FGF13: variants seen among roughly 807,000 people sequenced by gnomAD.
The protein encoded by FGF13 is fibroblast growth factor homologous factor 2.
A neutral mutation model predicts 19.5 loss-of-function variants in FGF13; 2 were observed. The observed-to-expected ratio is 0.10, with a 90% CI of 0.04 to 0.32. The LOEUF (loss-of-function observed/expected upper bound fraction) is 0.32. Among genes scored for constraint, FGF13 ranks in the 10% least tolerant of loss-of-function variants. FGF13 has a pLI of 1.00. For synonymous variants in FGF13, 72 were observed against 76.9 expected, an observed-to-expected ratio of 0.94 and a Z score of 0.33; for missense variants, 113 against 192.7, an observed-to-expected ratio of 0.59 and a Z score of 2.45.
chrX:138,646,860 C>G (rs961158474), intron 3 of FGF13, among the ~76,000 whole-genome samples: 10 of 111,423 alleles, frequency 9.0e-5, no homozygotes, highest in Non-Finnish European at 1.7e-4. Context: ...CAGAGCGAAA[C>G]ACAGAAATAC....
chrX:138,720,451 CAG>C (rs957491147), intron 1 of FGF13, among the ~76,000 whole-genome samples: 2 of 111,277 alleles, frequency 1.8e-5, no homozygotes, highest in African/African-American at 6.5e-5. Context: ...GTGGTGGAGT[CAG>C]AATTTAAATT....
At chrX:138,700,318 C>T (rs774476327) in intron 3 of FGF13, among the ~76,000 whole-genome samples, 1 of 111,667 alleles carries the variant, frequency 9.0e-6, no homozygotes, top group South Asian at 3.8e-4. Flanking sequence ...CCTGTTCTGT[C>T]TTCTCTTTGC....
chrX:138,685,217 C>T (rs866027972), intron 3 of FGF13, among the ~76,000 whole-genome samples: 1 of 111,054 alleles, frequency 9.0e-6, no homozygotes, highest in Non-Finnish European at 1.9e-5. Flanking sequence ...GCAAGAGAAA[C>T]TTTCTAAGAC....
intron 3 of FGF13, among the ~76,000 whole-genome samples, chrX:138,830,762 T>TA (rs1433329343): frequency 5.7e-5 from 6 of 104,441 alleles, no homozygotes; most frequent in Non-Finnish European, 9.8e-5. Flanking sequence ...GGAGAAAAGG[T>TA]GTGTTTAGGA....
intron 1 of FGF13, among the ~76,000 whole-genome samples, chrX:139,160,510 T>C (rs1175585871): frequency 3.6e-5 from 4 of 110,397 alleles, no homozygotes; most frequent in Non-Finnish European, 7.6e-5. Context: ...CTGAAGGAGA[T>C]AGAGACATGA....
intron 3 of FGF13, among the ~76,000 whole-genome samples, chrX:138,810,076 A>C (rs2090908826): frequency 8.9e-6 from 1 of 112,044 alleles, no homozygotes; most frequent in Non-Finnish European, 1.9e-5. Context: ...CTTTCTTCAC[A>C]GAATTAGAAA....
intron 1 of FGF13, among the ~76,000 whole-genome samples, chrX:139,079,467 T>C (rs1421926980): frequency 2.7e-5 from 3 of 111,240 alleles, no homozygotes; most frequent in African/African-American, 9.8e-5. Context: ...CTTCAGAATA[T>C]ATATTATGAG....
intron 3 of FGF13, among the ~76,000 whole-genome samples, chrX:138,699,569 C>A (rs1187357648): frequency 1.8e-5 from 2 of 111,360 alleles, no homozygotes; most frequent in African/African-American, 3.3e-5. Flanking sequence ...CAATATTCCA[C>A]CAAAACTGTT....
At chrX:138,837,083 C>A (rs771510539) in intron 3 of FGF13, among the ~76,000 whole-genome samples, 7 of 112,124 alleles carry the variant, frequency 6.2e-5, no homozygotes, top group Admixed American at 1.9e-4. Context: ...CTGTTGCCAG[C>A]CTAAACACAT....
intron 3 of FGF13, among the ~76,000 whole-genome samples, chrX:138,833,746 G>C (rs1375238131): frequency 9.0e-6 from 1 of 111,707 alleles, no homozygotes; most frequent in Non-Finnish European, 1.9e-5. Context: ...GGTTATCAAG[G>C]GGAGTGTTTT....
At chrX:139,194,995 G>A (rs1374622365) in intron 1 of FGF13, among the ~76,000 whole-genome samples, 1 of 111,907 alleles carries the variant, frequency 8.9e-6, no homozygotes, top group Non-Finnish European at 1.9e-5. Flanking sequence ...TGTCATGCCC[G>A]GAGCCGGCGC....
At chrX:138,851,487 C>T (rs748384593) in intron 3 of FGF13, among the ~76,000 whole-genome samples, 4 of 111,411 alleles carry the variant, frequency 3.6e-5, no homozygotes, top group African/African-American at 1.3e-4. Flanking sequence ...TCTCTAATGA[C>T]GCAGCAAAGG....
intron 1 of FGF13, among the ~76,000 whole-genome samples, chrX:139,062,155 A>G (rs1386253945): frequency 9.0e-6 from 1 of 110,981 alleles, no homozygotes; most frequent in Non-Finnish European, 1.9e-5. Flanking sequence ...AATGTCACGG[A>G]GCTTTCCCCC....
At chrX:139,002,010 TA>T (rs1487726003) in intron 1 of FGF13, among the ~76,000 whole-genome samples, 16 of 110,948 alleles carry the variant, frequency 1.4e-4, no homozygotes, top group East Asian at 8.5e-4. Context: ...TATGCAGCCA[TA>T]AAAAAAGGAT....
At chrX:138,916,738 G>A (rs754525247) in intron 1 of FGF13, among the ~76,000 whole-genome samples, 2 of 112,229 alleles carry the variant, frequency 1.8e-5, no homozygotes, top group South Asian at 3.7e-4. Flanking sequence ...AGACCAATAT[G>A]AGCAGAAGCA....
At chrX:139,160,530 TA>T (rs1009235718) in intron 1 of FGF13, among the ~76,000 whole-genome samples, 1 of 111,219 alleles carries the variant, frequency 9.0e-6, no homozygotes, top group Non-Finnish European at 1.9e-5. Flanking sequence ...AAAAGACCGT[TA>T]AAAAAATCAA....
intron 1 of FGF13, among the ~76,000 whole-genome samples, chrX:138,913,811 G>A (rs965113337): frequency 9.1e-6 from 1 of 110,187 alleles, no homozygotes; most frequent in African/African-American, 3.3e-5. Context: ...AGAATTTTTT[G>A]TTTTGGGTTT....
chrX:139,183,738 C>T (rs746262758), intron 1 of FGF13, among the ~76,000 whole-genome samples: 9 of 112,060 alleles, frequency 8.0e-5, no homozygotes, highest in Non-Finnish European at 1.3e-4. Context: ...TATAAATCTT[C>T]CAGTCTCAGG....
chrX:138,899,164 G>A (rs975867037), intron 1 of FGF13, among the ~76,000 whole-genome samples: 3 of 111,417 alleles, frequency 2.7e-5, no homozygotes, highest in African/African-American at 6.5e-5. Flanking sequence ...TTGCATATTG[G>A]AAAGACTCAG....
Sources: allele counts gnomAD v4.1 joint callset (sites outside exome capture counted in the v4.1 genomes callset), GRCh38; gene constraint gnomAD v4.1.1; transcripts MANE v1.5; gene names NCBI Gene and HGNC (gene_info 2026-07-23, HGNC 2026-07-21).